GFRA2: variants seen among roughly 807,000 people sequenced by gnomAD.
GFRA2 encodes the protein GDNF family receptor alpha 2.
In GFRA2, 17 loss-of-function variants were observed where a neutral mutation model predicts 48.3. The ratio of observed to expected loss-of-function variants is 0.35; its 90% CI spans 0.24 to 0.53. GFRA2 has a LOEUF of 0.53. GFRA2 is among the 20% of genes least tolerant of loss of function. GFRA2 has a pLI of 0.93. For synonymous variants in GFRA2, 305 were observed against 257.2 expected (o/e 1.19, Z -1.78); for missense variants, 660 against 637.3 (o/e 1.04, Z -0.38).
In GFRA2 at chr8:21,723,057, G is replaced by C. The variant is rs532184102; in HGVS notation, c.795-17016C>G. Among the ~76,000 whole-genome samples the C allele has an allele frequency of 2.0e-5, 3 of 152,214 alleles. No individual in the cohort carries two copies. The South Asian group carries it at 6.2e-4, about 31-fold the overall frequency. On this transcript the variant is annotated intron_variant, in intron 4 of 8. Coordinates refer to ENST00000524240, the MANE Select transcript of GFRA2 (RefSeq NM_001495.5). The stretch of plus-strand genomic sequence containing the variant: ...ACCGTCTCAAAACCTCTGCTGTAAA[G>C]AAATTGAGCATCAGGACCCGGGTGC...
In GFRA2 at chr8:21,695,819, C is replaced by G. The variant is rs144617716; in HGVS notation, c.1219-1302G>C. On this transcript the variant is annotated intron_variant, in intron 7 of 8. Coordinates refer to ENST00000524240, the MANE Select transcript of GFRA2 (RefSeq NM_001495.5). ...CATAATGGCCTCGCATCTGTCCTCCCGAGTCCCTTGGCCAATCCTTGCTCA... is the reference window on the plus strand; with the variant it reads ...CATAATGGCCTCGCATCTGTCCTCCGGAGTCCCTTGGCCAATCCTTGCTCA... 1.1e-3 allele frequency among the ~76,000 whole-genome samples: 167 copies of G among 152,260 alleles called. 8 individuals carry two copies. In the East Asian group the frequency reaches 0.032, roughly 29 times the overall value.
chr8:21,739,805 C>T (rs1303508914), intron 4 of GFRA2, among the ~76,000 whole-genome samples: 3 of 152,176 alleles, frequency 2.0e-5, no homozygotes, highest in East Asian at 3.9e-4. Flanking sequence ...AACACCTCCT[C>T]GAGGAGGAAG....
intron 3 of GFRA2, among the ~76,000 whole-genome samples, chr8:21,755,283 G>A (rs1805513772): frequency 6.6e-6 from 1 of 152,064 alleles, no homozygotes. Context: ...ATAGAGGGAT[G>A]CTGATAGTTG....
intron 4 of GFRA2, among the ~76,000 whole-genome samples, chr8:21,728,814 A>C (rs1804025792): frequency 6.6e-6 from 1 of 152,234 alleles, no homozygotes; most frequent in South Asian, 2.1e-4. Flanking sequence ...AGGGTTATAA[A>C]GGGTACGTAT....
chr8:21,782,465 A>G, intron 2 of GFRA2, 120 bp downstream of exon 2: 1 of 723,040 alleles, frequency 1.4e-6, no homozygotes, highest in East Asian at 2.7e-5. Flanking sequence ...GCAGGTAGAC[A>G]TAGAGAGCTG....
rs142561164 is a variant in GFRA2, at chr8:21,764,679, T to C, written c.439+10293A>G. Among the ~76,000 whole-genome samples the C allele has an allele frequency of 3.7e-3, 565 of 152,334 alleles. 23 individuals are homozygous for C. The South Asian group carries it at 0.074, about 20-fold the overall frequency. Reference sequence around the variant, plus strand: ...CATGGACCCCATCCCTCCTCACTTATTGAAGACATCACTCCTGAAATCGCC... The same window carrying C: ...CATGGACCCCATCCCTCCTCACTTACTGAAGACATCACTCCTGAAATCGCC... On this transcript the variant is annotated intron_variant, in intron 3 of 8. Transcript: ENST00000524240.
At chr8:21,753,173 G>T (rs1477456026) in intron 3 of GFRA2, among the ~76,000 whole-genome samples, 1 of 152,182 alleles carries the variant, frequency 6.6e-6, no homozygotes, top group Non-Finnish European at 1.5e-5. Flanking sequence ...TGTCTGATTT[G>T]CTGTGACAGA....
chr8:21,712,404 C>G (rs1268599810), intron 4 of GFRA2, among the ~76,000 whole-genome samples: 4 of 148,786 alleles, frequency 2.7e-5, no homozygotes, highest in Non-Finnish European at 4.4e-5. Context: ...ACATCTCAGA[C>G]GATGGGCGGC....
upstream of GFRA2, among the ~76,000 whole-genome samples, chr8:21,790,705 C>G (rs1807553899): frequency 6.6e-6 from 1 of 152,214 alleles, no homozygotes; most frequent in Admixed American, 6.5e-5. Flanking sequence ...GAGTCTGGGA[C>G]AGAGGGCTTA....
At chr8:21,774,929 G>C in intron 3 of GFRA2, 43 bp downstream of exon 3, 1 of 1,070,024 alleles carries the variant, frequency 9.3e-7, no homozygotes, top group Admixed American at 1.7e-5. Flanking sequence ...ATGCCACAGG[G>C]ACGAGAGGAG....
intron 2 of GFRA2, among the ~76,000 whole-genome samples, chr8:21,795,122 C>A (rs989229873): frequency 6.6e-6 from 1 of 152,138 alleles, no homozygotes; most frequent in Non-Finnish European, 1.5e-5. Context: ...GAGGGAGGAA[C>A]CTGCAGCTGC....
At chr8:21,795,178 A>G (rs1318462115) in intron 2 of GFRA2, among the ~76,000 whole-genome samples, 2 of 152,148 alleles carry the variant, frequency 1.3e-5, no homozygotes, top group African/African-American at 4.8e-5. Flanking sequence ...CAGTGGAAGC[A>G]GATGGGAAGT....
At chr8:21,706,936 G>C (rs1358080848) in intron 4 of GFRA2, among the ~76,000 whole-genome samples, 1 of 152,126 alleles carries the variant, frequency 6.6e-6, no homozygotes, top group East Asian at 1.9e-4. Context: ...TCCTGCCCTG[G>C]GCCCTGGCCA....
At chr8:21,794,374 C>G (rs1807632388) in intron 2 of GFRA2, among the ~76,000 whole-genome samples, 1 of 151,496 alleles carries the variant, frequency 6.6e-6, no homozygotes, top group African/African-American at 2.4e-5. Context: ...CCTCAGCCTC[C>G]CAAGTAGCTG....
At chr8:21,800,528 G>A (rs1807751174) in intron 2 of GFRA2, among the ~76,000 whole-genome samples, 2 of 152,208 alleles carry the variant, frequency 1.3e-5, no homozygotes, top group African/African-American at 2.4e-5. Flanking sequence ...CATGAATTCT[G>A]AGTCCCCTCC....
chr8:21,755,646 G>T (rs1188874596), intron 3 of GFRA2, among the ~76,000 whole-genome samples: 1 of 151,710 alleles, frequency 6.6e-6, no homozygotes, highest in Non-Finnish European at 1.5e-5. Context: ...GTGGGGGCCG[G>T]GGGAGGGGTC....
At chr8:21,793,109 G>T (rs1585349695), upstream of GFRA2, among the ~76,000 whole-genome samples, 1 of 152,242 alleles carries the variant, frequency 6.6e-6, no homozygotes, top group African/African-American at 2.4e-5. Context: ...CAATCCAGTG[G>T]GTGGGAGGAG....
At chr8:21,791,988 T>C (rs1377447308), upstream of GFRA2, among the ~76,000 whole-genome samples, 1 of 152,236 alleles carries the variant, frequency 6.6e-6, no homozygotes, top group Admixed American at 6.5e-5. Context: ...ACAGCCTTCC[T>C]GGCTCATTCC....
intron 3 of GFRA2, among the ~76,000 whole-genome samples, chr8:21,758,803 C>T (rs1444884542): frequency 6.6e-6 from 1 of 152,234 alleles, no homozygotes; most frequent in East Asian, 1.9e-4. Flanking sequence ...TTCCTTTGAG[C>T]CGGAGCCACA....
Sources: gnomAD v4.1 joint callset for allele counts (sites outside exome capture counted in the v4.1 genomes callset) on GRCh38, gnomAD v4.1.1 for gene constraint, MANE v1.5 for transcripts, NCBI Gene and HGNC (gene_info 2026-07-23, HGNC 2026-07-21) for gene names.